Variants in PCDHA11 observed in about 807,000 individuals in gnomAD.
The protein encoded by PCDHA11 is protocadherin alpha-11.
PCDHA11 carries 61 observed loss-of-function variants against 70.3 expected under a neutral mutation model. The ratio of observed to expected loss-of-function variants is 0.87; its 90% confidence interval spans 0.71 to 1.07. The LOEUF is 1.07. Among genes scored for constraint, PCDHA11 ranks in the 50% least tolerant of loss-of-function variants. The pLI is 0.00. For missense variants in PCDHA11, 1,324 were observed against 1,237.5 expected, an observed-to-expected ratio of 1.07 and a Z score of -1.05; for synonymous variants, 633 against 555.1, an observed-to-expected ratio of 1.14 and a Z score of -1.97.
chr5:140,941,506 G>T (rs556309408), intron 1 of PCDHA11, among the ~76,000 whole-genome samples: 1 of 151,236 alleles, frequency 6.6e-6, no homozygotes, highest in South Asian at 2.1e-4. Flanking sequence ...TAGTAGAGAC[G>T]AGGTTTCACC....
chr5:140,889,583 G>C (rs1373487919), intron 1 of PCDHA11, among the ~76,000 whole-genome samples: 1 of 151,554 alleles, frequency 6.6e-6, no homozygotes, highest in African/African-American at 2.4e-5. Context: ...TTTTGTTTTT[G>C]CTTTGAAATA....
chr5:140,951,966 C>G (rs1554220177), intron 1 of PCDHA11, among the ~76,000 whole-genome samples: 1 of 152,128 alleles, frequency 6.6e-6, no homozygotes, highest in African/African-American at 2.4e-5. Flanking sequence ...GGTAAATACT[C>G]CTGTTCCAAA....
chr5:140,956,522 C>T (rs1043265748), intron 1 of PCDHA11, among the ~76,000 whole-genome samples: 14 of 152,116 alleles, frequency 9.2e-5, no homozygotes, highest in Non-Finnish European at 1.9e-4. Flanking sequence ...GGTGAATAAG[C>T]TTTTTGATGT....
At chr5:140,890,276 TC>T (rs1173106367) in intron 1 of PCDHA11, among the ~76,000 whole-genome samples, 2 of 152,136 alleles carry the variant, frequency 1.3e-5, no homozygotes, top group Non-Finnish European at 2.9e-5. Context: ...CAAGAACCAC[TC>T]AGTTGAGTCA....
chr5:140,994,233 T>A (rs2097606681), intron 3 of PCDHA11, among the ~76,000 whole-genome samples: 1 of 152,138 alleles, frequency 6.6e-6, no homozygotes, highest in Admixed American at 6.5e-5. Context: ...TATGTTATAA[T>A]CAATTCAAAC....
intron 1 of PCDHA11, among the ~76,000 whole-genome samples, chr5:140,964,454 T>G (rs1392277569): frequency 6.6e-6 from 1 of 152,132 alleles, no homozygotes. Flanking sequence ...CTGTAATCTC[T>G]TCCTTAAGTG....
rs2098417418 is a variant in PCDHA11, at chr5:141,010,475, T to A, written c.*538T>A. On this transcript the variant is annotated 3_prime_UTR_variant, in exon 4 of 4. Coordinates refer to ENST00000398640, the MANE Select transcript of PCDHA11 (RefSeq NM_018902.5). ...GGAAGTTATCAGTATGGAGGGGAAG[T>A]GTAAACTTAAAGGGACCAGACTTTC... 16 of 757,310 alleles carry A rather than the reference T, an allele frequency of 2.1e-5. No homozygotes were observed. The highest frequency in any genetic ancestry group is 3.0e-5 in the Non-Finnish European group (15 of 502,774). 46.9% of individuals were successfully genotyped at this position (757,310 alleles called of 1,614,324 possible). A position where few individuals can be genotyped will look rare whatever the true frequency, so the allele number is the denominator to read the frequency against.
In PCDHA11 at chr5:140,871,066, G is replaced by GA; in HGVS notation, c.1964dup (p.Pro656AlafsTer73). The GA allele has an allele frequency of 6.2e-7, 1 of 1,613,276 alleles. No individual in the cohort carries two copies. The highest frequency in any genetic ancestry group is 1.1e-5 in the South Asian group (1 of 91,076). On this transcript the variant is annotated frameshift_variant, in exon 1 of 4. Transcript: ENST00000398640. LOFTEE classifies it high-confidence loss of function. Reference sequence around the variant, plus strand: ...TCTAGTACTGGTGAAGGATCACGGTGAGCCGGCGCTGACGGCCACGGCCAC... The same window carrying GA: ...TCTAGTACTGGTGAAGGATCACGGTGAAGCCGGCGCTGACGGCCACGGCCAC...
At position 140,871,406 on chromosome 5, in the gene PCDHA11, T is replaced by C. The variant is rs1406444669; in HGVS notation, c.2303T>C (p.Leu768Pro). ...CSEEGPPKTD[L>P]MAFSPSLPLG... ...GAGGAGGGCCCACCTAAGACGGACCTCATGGCCTTCAGCCCCAGTCTTCCT... is the reference window on the plus strand; with the variant it reads ...GAGGAGGGCCCACCTAAGACGGACCCCATGGCCTTCAGCCCCAGTCTTCCT... Residue 768 changes from leucine to proline, a missense_variant, in exon 1 of 4, where the codon CTC becomes CCC. Coordinates refer to ENST00000398640, the MANE Select transcript of PCDHA11 (RefSeq NM_018902.5). The C allele has an allele frequency of 1.2e-6, 2 of 1,614,032 alleles. No individual in the cohort carries two copies. The highest frequency in any genetic ancestry group is 1.7e-6 in the Non-Finnish European group (2 of 1,179,960).
chr5:140,884,057 G>C lies in PCDHA11; in HGVS notation c.2391+12563G>C, dbSNP rs141156800. On this transcript the variant is annotated intron_variant, in intron 1 of 3. Transcript: ENST00000398640. ...CCACGTGGTGGCGAAGGTGCGCGCG[G>C]TGGACGCCGATTCGGGCTACAATGC... 6.2e-6 allele frequency: 10 copies of C among 1,613,422 alleles called. No homozygotes were observed. In the African/African-American group the frequency reaches 1.3e-4, roughly 22 times the overall value.
chr5:140,918,517 G>A (rs2078735105), intron 1 of PCDHA11, among the ~76,000 whole-genome samples: 1 of 152,134 alleles, frequency 6.6e-6, no homozygotes, highest in South Asian at 2.1e-4. Flanking sequence ...TAAACTTATT[G>A]AGGATTGTTT....
At chr5:140,917,238 G>A (rs144302098) in intron 1 of PCDHA11, among the ~76,000 whole-genome samples, 1 of 150,440 alleles carries the variant, frequency 6.6e-6, no homozygotes, top group Non-Finnish European at 1.5e-5. Flanking sequence ...TTAAATCTAG[G>A]TACTACGATT....
At chr5:140,952,513 A>T (rs533436826) in intron 1 of PCDHA11, among the ~76,000 whole-genome samples, 7 of 152,028 alleles carry the variant, frequency 4.6e-5, no homozygotes, top group Non-Finnish European at 8.8e-5. Context: ...CCTCATCTCC[A>T]TCTGAGACCT....
chr5:140,918,311 G>A (rs1286596595), intron 1 of PCDHA11, among the ~76,000 whole-genome samples: 2 of 152,070 alleles, frequency 1.3e-5, no homozygotes, highest in African/African-American at 4.8e-5. Context: ...GGGTTTTCTA[G>A]GTATAAAATT....
At position 140,870,611 on chromosome 5, in the gene PCDHA11, T is replaced by C; in HGVS notation, c.1508T>C (p.Leu503Pro). Residue 503 changes from leucine (L) to proline (P), a missense_variant, in exon 1 of 4, where the codon CTG (leucine) becomes CCG (proline). Physicochemically the swap from Leu to Pro is moderately conservative, Grantham distance 98. Transcript: ENST00000398640. ...LVERRLGDRA[L>P]SSYVSVHAES... ...GAGCGGCGGTTGGGCGACCGCGCGC[T>C]GTCGAGCTACGTGTCGGTGCACGCG... 1 of 1,613,258 alleles carries C rather than the reference T, an allele frequency of 6.2e-7. No homozygotes were observed. Among genetic ancestry groups the C allele is most frequent in the Non-Finnish European group, 8.5e-7 (1 of 1,179,840 alleles).
At chr5:140,927,657 T>A (rs1161396429) in intron 1 of PCDHA11, 6 of 1,614,050 alleles carry the variant, frequency 3.7e-6, no homozygotes, top group Non-Finnish European at 5.1e-6. Flanking sequence ...TATTCCGAGT[T>A]CAAGCCTTGG....
At chr5:140,885,981 G>A (rs536900560) in intron 1 of PCDHA11, among the ~76,000 whole-genome samples, 44 of 151,942 alleles carry the variant, frequency 2.9e-4, no homozygotes, top group African/African-American at 8.4e-4. Context: ...TTATAGATTC[G>A]CATGTGGTTG....
chr5:140,967,053 G>A (rs1563359791), intron 1 of PCDHA11: 4 of 1,612,648 alleles, frequency 2.5e-6, no homozygotes, highest in Non-Finnish European at 3.4e-6. Flanking sequence ...GACCTGACGA[G>A]TGGAGCGCTC....
At chr5:141,008,015 T>C (rs2098356412) in intron 3 of PCDHA11, among the ~76,000 whole-genome samples, 1 of 152,088 alleles carries the variant, frequency 6.6e-6, no homozygotes. Flanking sequence ...TTCTGTTTCC[T>C]TTTTTTTCTT....
Sources: allele counts gnomAD v4.1 joint callset (sites outside exome capture counted in the v4.1 genomes callset), GRCh38; gene constraint gnomAD v4.1.1; transcripts MANE v1.5; gene names NCBI Gene and HGNC (gene_info 2026-07-23, HGNC 2026-07-21).